Variants in CTSS observed in about 807,000 individuals in gnomAD.
The protein encoded by CTSS is cathepsin S.
In CTSS, 15 loss-of-function variants were observed where a neutral mutation model predicts 39.9. The observed-to-expected ratio is 0.38, with a 90% confidence interval of 0.25 to 0.58. CTSS has a LOEUF of 0.58. Among genes scored for constraint, CTSS ranks in the 20% least tolerant of loss-of-function variants. CTSS has a pLI of 0.70. For synonymous variants in CTSS, 126 were observed against 138.2 expected, an observed-to-expected ratio of 0.91 and a Z score of 0.62; for missense variants, 250 against 398.2, an observed-to-expected ratio of 0.63 and a Z score of 3.17.
intron 3 of CTSS, among the ~76,000 whole-genome samples, chr1:150,756,739 G>A (rs1197904066): frequency 7.5e-6 from 1 of 134,038 alleles, no homozygotes; most frequent in Non-Finnish European, 1.6e-5. Context: ...CTTTTGAGAC[G>A]GAGTTTCACT....
chr1:150,741,755 A>G (rs1652761621), intron 7 of CTSS, among the ~76,000 whole-genome samples: 1 of 151,834 alleles, frequency 6.6e-6, no homozygotes, highest in Non-Finnish European at 1.5e-5. Flanking sequence ...GGCACCTGTA[A>G]TCTCAGCTAC....
At chr1:150,763,195 A>C (rs1354183674) in intron 2 of CTSS, among the ~76,000 whole-genome samples, 1 of 152,178 alleles carries the variant, frequency 6.6e-6, no homozygotes, top group Non-Finnish European at 1.5e-5. Flanking sequence ...GCACAGAAAG[A>C]CAAGTACTGC....
intron 2 of CTSS, among the ~76,000 whole-genome samples, chr1:150,761,974 C>T (rs2101927890): frequency 6.6e-6 from 1 of 152,216 alleles, no homozygotes; most frequent in Non-Finnish European, 1.5e-5. Flanking sequence ...TCAAAGTAAT[C>T]TTTAGCAAGA....
At chr1:150,749,711 A>G (rs1652969632) in intron 6 of CTSS, among the ~76,000 whole-genome samples, 2 of 151,582 alleles carry the variant, frequency 1.3e-5, no homozygotes, top group Middle Eastern at 6.8e-3. Flanking sequence ...GTGCAGTGGT[A>G]TGATCATAGC....
intron 3 of CTSS, among the ~76,000 whole-genome samples, chr1:150,756,161 AG>A: frequency 6.6e-6 from 1 of 152,274 alleles, no homozygotes; most frequent in African/African-American, 2.4e-5. Context: ...ACATTAGCCT[AG>A]GCCTATACAA....
chr1:150,749,487 G>A (rs1393915158), intron 6 of CTSS, among the ~76,000 whole-genome samples: 6 of 152,076 alleles, frequency 3.9e-5, no homozygotes, highest in African/African-American at 9.7e-5. Context: ...TGAGAGAGGC[G>A]AGGAAGCTAC....
chr1:150,756,708 C>CTTTTTTTTT (rs72242218), intron 3 of CTSS, among the ~76,000 whole-genome samples: 94 of 131,138 alleles, frequency 7.2e-4, no homozygotes, highest in Non-Finnish European at 8.8e-4. Context: ...TTCTTTCTTT[C>CTTTTTTTTT]TTTTTTTTTT....
intron 7 of CTSS, among the ~76,000 whole-genome samples, chr1:150,736,836 C>T (rs77044698): frequency 9.7e-4 from 147 of 151,974 alleles, no homozygotes; most frequent in Non-Finnish European, 1.8e-3. Flanking sequence ...CAGAATTATA[C>T]AAGATCTGCT....
chr1:150,750,187 T>C lies in CTSS; in HGVS notation c.628-16A>G. On this transcript the variant is annotated splice_polypyrimidine_tract_variant and intron_variant, in intron 5 of 7. Coordinates refer to ENST00000368985, the MANE Select transcript of CTSS (RefSeq NM_004079.5). ...ATTTCTGATCCTGCAAAAAGAAGTA[T>C]AAATATGATGAAGTATACTTCAACT... is the stretch of plus-strand genomic sequence containing the variant. The C allele has an allele frequency of 2.5e-6, 4 of 1,595,230 alleles. No homozygotes were observed. The Admixed American group carries it at 5.1e-5, about 20-fold the overall frequency.
At chr1:150,734,680 G>C (rs1480564409) in intron 7 of CTSS, among the ~76,000 whole-genome samples, 1 of 151,916 alleles carries the variant, frequency 6.6e-6, no homozygotes, top group African/African-American at 2.4e-5. Flanking sequence ...ACTACTTACT[G>C]TCACCATTAT....
chr1:150,745,283 G>T (rs1024507297), intron 7 of CTSS, among the ~76,000 whole-genome samples: 1 of 152,144 alleles, frequency 6.6e-6, no homozygotes, highest in African/African-American at 2.4e-5. Context: ...CTTATTTAGA[G>T]ATAGGGTTGA....
intron 7 of CTSS, among the ~76,000 whole-genome samples, chr1:150,741,511 A>G (rs989189392): frequency 1.3e-5 from 2 of 152,224 alleles, no homozygotes; most frequent in Admixed American, 6.5e-5. Context: ...TACAATTCAC[A>G]TAAGTTGTGT....
At chr1:150,736,177 A>T (rs1490874235) in intron 7 of CTSS, among the ~76,000 whole-genome samples, 1 of 152,192 alleles carries the variant, frequency 6.6e-6, no homozygotes, top group African/African-American at 2.4e-5. Flanking sequence ...GCTATTATTA[A>T]TATTAATAGA....
At chr1:150,744,447 G>GA (rs1269392200) in intron 7 of CTSS, among the ~76,000 whole-genome samples, 1 of 30,656 alleles carries the variant, frequency 3.3e-5, no homozygotes, top group African/African-American at 1.0e-4. Context: ...TATATTATAT[G>GA]TATATTATGT....
intron 5 of CTSS, among the ~76,000 whole-genome samples, chr1:150,751,562 T>C (rs1179188302): frequency 6.6e-6 from 1 of 152,192 alleles, no homozygotes; most frequent in Non-Finnish European, 1.5e-5. Flanking sequence ...AAATCTGTTT[T>C]TAAGCATGAA....
At chr1:150,734,141 G>C (rs1217715897) in intron 7 of CTSS, among the ~76,000 whole-genome samples, 2 of 151,354 alleles carry the variant, frequency 1.3e-5, no homozygotes, top group African/African-American at 4.9e-5. Flanking sequence ...TGATTCTCCT[G>C]CCTCAGCCTC....
At chr1:150,749,452 T>C (rs181261562) in intron 6 of CTSS, among the ~76,000 whole-genome samples, 9 of 152,200 alleles carry the variant, frequency 5.9e-5, no homozygotes, top group African/African-American at 2.2e-4. Flanking sequence ...AACAAGACCC[T>C]AACTCTCTTC....
intron 7 of CTSS, among the ~76,000 whole-genome samples, chr1:150,740,507 C>CA (rs942618054): frequency 1.3e-5 from 2 of 152,120 alleles, no homozygotes; most frequent in Non-Finnish European, 2.9e-5. Flanking sequence ...CCTCCTGCCT[C>CA]AGCCTCCCGA....
chr1:150,745,064 A>G (rs1424607880), intron 7 of CTSS, among the ~76,000 whole-genome samples: 1 of 152,140 alleles, frequency 6.6e-6, no homozygotes, highest in Non-Finnish European at 1.5e-5. Flanking sequence ...GTGAACCAAG[A>G]TATTGATCCC....
Sources: gnomAD v4.1 joint callset for allele counts (sites outside exome capture counted in the v4.1 genomes callset) on GRCh38, gnomAD v4.1.1 for gene constraint, MANE v1.5 for transcripts, NCBI Gene and HGNC (gene_info 2026-07-23, HGNC 2026-07-21) for gene names.